The following ARHGEF7 variants were observed in gnomAD, a reference collection of about 807,000 sequenced individuals.
ARHGEF7 encodes Rho guanine nucleotide exchange factor 7.
A neutral mutation model predicts 109.8 loss-of-function variants in ARHGEF7; 33 were observed. That is an observed-to-expected ratio of 0.30 (90% CI 0.23 to 0.40). The LOEUF is 0.40. Ranked by LOEUF, ARHGEF7 falls within the 10% of genes least tolerant of loss-of-function variation. The pLI is 1.00. For missense variants in ARHGEF7, 938 were observed against 1,098.5 expected (o/e 0.85, Z 2.07); for synonymous variants, 458 against 424.6 (o/e 1.08, Z -0.97).
At chr13:111,195,084 C>T (rs7332891) in intron 2 of ARHGEF7, among the ~76,000 whole-genome samples, 63,083 of 152,042 alleles carry the variant, frequency 0.41, 13,670 homozygotes, top group Non-Finnish European at 0.47. Context: ...CTTGAGCTTT[C>T]AAATGTTTAA....
At chr13:111,181,151 G>C (rs574527163) in intron 2 of ARHGEF7, among the ~76,000 whole-genome samples, 17 of 152,334 alleles carry the variant, frequency 1.1e-4, no homozygotes, top group Admixed American at 9.8e-4. Flanking sequence ...TATGGATTCT[G>C]TGTGTATTGG....
intron 1 of ARHGEF7, among the ~76,000 whole-genome samples, chr13:111,123,507 G>A (rs1467880916): frequency 2.0e-5 from 3 of 152,094 alleles, no homozygotes; most frequent in African/African-American, 7.2e-5. Flanking sequence ...ACATGCCCGT[G>A]CCATTCTTAA....
At chr13:111,223,526 C>T (rs968591981) in intron 5 of ARHGEF7, among the ~76,000 whole-genome samples, 1 of 152,140 alleles carries the variant, frequency 6.6e-6, no homozygotes, top group East Asian at 1.9e-4. Context: ...CCAGATGGTC[C>T]AATTCACCTC....
intron 2 of ARHGEF7, chr13:111,184,793 C>T (rs1451683869): frequency 6.6e-6 from 1 of 152,504 alleles, no homozygotes; most frequent in East Asian, 1.9e-4. Context: ...CTGTGCAGTC[C>T]TGTGTGTGGG....
chr13:111,142,519 T>C (rs187289972), intron 1 of ARHGEF7, among the ~76,000 whole-genome samples: 19 of 152,386 alleles, frequency 1.2e-4, no homozygotes, highest in African/African-American at 4.6e-4. Flanking sequence ...AATAATGATC[T>C]TTTTGTCAAC....
intron 8 of ARHGEF7, among the ~76,000 whole-genome samples, chr13:111,259,014 G>C (rs2090781409): frequency 6.6e-6 from 1 of 152,170 alleles, no homozygotes; most frequent in Non-Finnish European, 1.5e-5. Context: ...TGAAGAGTGG[G>C]AAGGACTTTT....
At chr13:111,262,744 T>C (rs2091240490) in intron 8 of ARHGEF7, among the ~76,000 whole-genome samples, 1 of 152,246 alleles carries the variant, frequency 6.6e-6, no homozygotes, top group African/African-American at 2.4e-5. Flanking sequence ...AAAAAAACCC[T>C]TGGGTACCCC....
rs1174725158 is a variant in ARHGEF7 at position 111,239,891 on chromosome 13, C to T, written c.760-3981C>T. Among the ~76,000 whole-genome samples the T allele has an allele frequency of 2.0e-5, 3 of 152,064 alleles. No individual in the cohort carries two copies. The East Asian group carries it at 5.8e-4, about 29-fold the overall frequency. ...TTGAGTGACTTAATTGCAAGAAAGG[C>T]TGTCTTGTGAAATAATTACCTCCTG... On this transcript the variant is annotated intron_variant, in intron 6 of 21. Coordinates refer to ENST00000646102, the MANE Select transcript of ARHGEF7 (RefSeq NM_001354046.2). This position sits in a 1 kb window ranked among gnomAD's most constrained non-coding sequence, Gnocchi z 4.3.
chr13:111,189,287 C>T (rs764539709), intron 2 of ARHGEF7, among the ~76,000 whole-genome samples: 6 of 152,072 alleles, frequency 3.9e-5, no homozygotes, highest in African/African-American at 1.4e-4. Context: ...ACCCTCGCGG[C>T]GAGTGTTACA....
intron 9 of ARHGEF7, among the ~76,000 whole-genome samples, chr13:111,269,117 A>G (rs922058679): frequency 3.3e-5 from 5 of 152,180 alleles, no homozygotes; most frequent in South Asian, 2.1e-4. Flanking sequence ...AGCATCTCCA[A>G]GCGTCCAGCA....
chr13:111,188,586 C>G (rs757643445), intron 2 of ARHGEF7, among the ~76,000 whole-genome samples: 1 of 152,096 alleles, frequency 6.6e-6, no homozygotes, highest in Non-Finnish European at 1.5e-5. Context: ...GCATTTGTGT[C>G]TTTTTTTCTT....
At chr13:111,115,729 T>A (rs1223130294) in intron 1 of ARHGEF7, 38 bp downstream of exon 1, 1 of 1,086,672 alleles carries the variant, frequency 9.2e-7, no homozygotes, top group Non-Finnish European at 1.1e-6. Context: ...CGCCCCCCGG[T>A]CCGGCCCGCT....
At chr13:111,205,869 C>CATT (rs930405852) in intron 3 of ARHGEF7, among the ~76,000 whole-genome samples, 1 of 152,040 alleles carries the variant, frequency 6.6e-6, no homozygotes, top group Non-Finnish European at 1.5e-5. Context: ...TCCTAGCCCC[C>CATT]ATTAGTACTG....
intron 1 of ARHGEF7, among the ~76,000 whole-genome samples, chr13:111,149,908 T>G (rs1374512205): frequency 6.6e-6 from 1 of 152,214 alleles, no homozygotes; most frequent in Admixed American, 6.5e-5. Flanking sequence ...AACTAAAGTC[T>G]TACTGTAATG....
intron 2 of ARHGEF7, chr13:111,182,027 G>A (rs1202973185): frequency 6.6e-6 from 1 of 152,230 alleles, no homozygotes; most frequent in South Asian, 2.1e-4. Flanking sequence ...GACTGCTAGG[G>A]GATGGAATAA....
At chr13:111,161,717 T>C (rs979624688) in intron 2 of ARHGEF7, among the ~76,000 whole-genome samples, 3 of 151,688 alleles carry the variant, frequency 2.0e-5, no homozygotes, top group African/African-American at 7.2e-5. Flanking sequence ...ATACCAGTGT[T>C]AAAATTAGTA....
In ARHGEF7 at chr13:111,304,287, G is replaced by C. The variant is rs897275937; in HGVS notation, c.*1174G>C. ...TCCTCACCGCGGCTCGCTGGGCCCAGGCTGGCTCTGGAAAGCCTGTGCGGT... is the reference window on the plus strand; with the variant it reads ...TCCTCACCGCGGCTCGCTGGGCCCACGCTGGCTCTGGAAAGCCTGTGCGGT... On this transcript the variant is annotated 3_prime_UTR_variant, in exon 22 of 22. Coordinates refer to ENST00000646102, the MANE Select transcript of ARHGEF7 (RefSeq NM_001354046.2). 6.6e-6 allele frequency: 1 copy of C among 152,274 alleles called. No individual in the cohort carries two copies. Among genetic ancestry groups the C allele is most frequent in the East Asian group, 1.9e-4 (1 of 5,198 alleles). 9.4% of individuals were successfully genotyped at this position (152,274 alleles called of 1,614,324 possible).
In ARHGEF7 at chr13:111,133,761, CTTTA is replaced by C. The variant is rs1218913656; in HGVS notation, c.165+18072_165+18075del. ...GGGATGGGGCAGAGAATCTGCTTTT[CTTTA>C]TATATATATATATATATATATATAT... On this transcript the variant is annotated intron_variant, in intron 1 of 21. Coordinates refer to ENST00000646102, the MANE Select transcript of ARHGEF7 (RefSeq NM_001354046.2). Among the ~76,000 whole-genome samples, 191 of 73,338 alleles carry C rather than the reference CTTTA, an allele frequency of 2.6e-3. 2 individuals are homozygous for C. Among genetic ancestry groups the C allele is most frequent in the Middle Eastern group, 7.6e-3 (1 of 132 alleles). The allele number at this position is 73,338 out of a possible 152,430, so 48.1% of individuals were successfully genotyped here.
intron 4 of ARHGEF7, among the ~76,000 whole-genome samples, chr13:111,217,153 C>G (rs895468727): frequency 2.6e-5 from 4 of 152,082 alleles, no homozygotes. Flanking sequence ...TAATGTATAG[C>G]TGGTTTACAG....
Sources: gnomAD v4.1 joint callset for allele counts (sites outside exome capture counted in the v4.1 genomes callset) on GRCh38, gnomAD v4.1.1 for gene constraint, Gnocchi (gnomAD v3.1) non-coding constraint, MANE v1.5 for transcripts, NCBI Gene and HGNC (gene_info 2026-07-23, HGNC 2026-07-21) for gene names.